The following GRIK1 variants were observed in gnomAD, a reference collection of about 807,000 sequenced individuals.
GRIK1 encodes glutamate receptor ionotropic, kainate 1.
Under a neutral mutation model 105.7 loss-of-function variants are expected in GRIK1, and 69 were observed. The ratio of observed to expected loss-of-function variants is 0.65; its 90% CI spans 0.54 to 0.80. The LOEUF is 0.80. Among genes scored for constraint, GRIK1 ranks in the 30% least tolerant of loss-of-function variants. GRIK1 has a pLI of 0.00. For synonymous variants in GRIK1, 438 were observed against 431.3 expected, an observed-to-expected ratio of 1.02 and a Z score of -0.19; for missense variants, 1,109 against 1,167.3, an observed-to-expected ratio of 0.95 and a Z score of 0.73.
intron 1 of GRIK1, among the ~76,000 whole-genome samples, chr21:29,825,203 T>A (rs1569134321): frequency 6.6e-6 from 1 of 152,008 alleles, no homozygotes; most frequent in Non-Finnish European, 1.5e-5. Flanking sequence ...TACAATTTCT[T>A]TTTTTAGAAA....
At chr21:29,579,603 A>G (rs1225360739) in intron 13 of GRIK1, among the ~76,000 whole-genome samples, 1 of 152,142 alleles carries the variant, frequency 6.6e-6, no homozygotes, top group East Asian at 1.9e-4. Context: ...AACAAGAGAG[A>G]GCAACAGAGG....
intron 7 of GRIK1, among the ~76,000 whole-genome samples, chr21:29,639,635 T>C (rs1232676245): frequency 6.6e-6 from 1 of 152,174 alleles, no homozygotes; most frequent in African/African-American, 2.4e-5. Context: ...CTGAAGAGTG[T>C]ATGTTTTATC....
At chr21:29,693,628 G>C (rs1254494052) in intron 2 of GRIK1, among the ~76,000 whole-genome samples, 2 of 152,124 alleles carry the variant, frequency 1.3e-5, no homozygotes, top group African/African-American at 4.8e-5. Flanking sequence ...GATCAAGCTT[G>C]ACATTTTCCA....
At chr21:29,603,039 C>T in intron 7 of GRIK1, among the ~76,000 whole-genome samples, 1 of 152,104 alleles carries the variant, frequency 6.6e-6, no homozygotes, top group East Asian at 1.9e-4. Context: ...ATTTCCCTGT[C>T]CCACCAACTG....
At chr21:29,636,473 G>A (rs111976385) in intron 7 of GRIK1, among the ~76,000 whole-genome samples, 7,233 of 152,196 alleles carry the variant, frequency 0.048, 252 homozygotes, top group Non-Finnish European at 0.072. Context: ...TCTGACAGTG[G>A]AGCTATTTTA....
At chr21:29,938,471 G>T (rs1410590207) in intron 1 of GRIK1, among the ~76,000 whole-genome samples, 1 of 152,236 alleles carries the variant, frequency 6.6e-6, no homozygotes, top group Non-Finnish European at 1.5e-5. Context: ...AACCCTCAAA[G>T]TTCAGAAATT....
intron 1 of GRIK1, among the ~76,000 whole-genome samples, chr21:29,734,270 C>T (rs901807360): frequency 2.6e-5 from 4 of 152,336 alleles, no homozygotes; most frequent in African/African-American, 9.6e-5. Context: ...CCTTCTGGCT[C>T]GCACTTTGGC....
chr21:29,697,827 C>T (rs1568987709), intron 1 of GRIK1, among the ~76,000 whole-genome samples: 1 of 152,066 alleles, frequency 6.6e-6, no homozygotes, highest in South Asian at 2.1e-4. Flanking sequence ...ATAATTTCCT[C>T]CTTCGGTCTT....
Position 29,725,878 on chromosome 21 carries a change from G to A in GRIK1, c.119-31815C>T, listed in dbSNP as rs1443668714. On this transcript the variant is annotated intron_variant, in intron 1 of 17. Coordinates refer to ENST00000327783, the MANE Select transcript of GRIK1 (RefSeq NM_001330994.2). The stretch of plus-strand genomic sequence containing the variant: ...TGATTGTCTCGTCTGCCTCCCACAC[G>A]CAAAACAAGGGTGGATTTCTGATTT... Among the ~76,000 whole-genome samples the A allele has an allele frequency of 5.3e-5, 8 of 152,232 alleles. No homozygotes were observed. The East Asian group carries it at 1.3e-3, about 26-fold the overall frequency.
chr21:29,620,806 G>GATATATATATCTATATATATATAT (rs1568897623), intron 7 of GRIK1, among the ~76,000 whole-genome samples: 21 of 105,240 alleles, frequency 2.0e-4, no homozygotes, highest in Non-Finnish European at 3.7e-4. Context: ...TATATATATA[G>GATATATATATCTATATATATATAT]ATATATATAT....
intron 7 of GRIK1, chr21:29,630,547 C>T (rs1425373895): frequency 2.1e-6 from 1 of 471,746 alleles, no homozygotes; most frequent in East Asian, 6.9e-5. Context: ...AGGGAACAAG[C>T]TGCCAATAAT....
At chr21:29,847,815 C>G (rs372099526) in intron 1 of GRIK1, among the ~76,000 whole-genome samples, 4 of 152,198 alleles carry the variant, frequency 2.6e-5, no homozygotes, top group African/African-American at 7.2e-5. Flanking sequence ...CAAGAACACA[C>G]CTAATCATTC....
chr21:29,554,970 A>G (rs1051139822), intron 16 of GRIK1, 82 bp downstream of exon 16: 16 of 1,197,936 alleles, frequency 1.3e-5, no homozygotes, highest in Non-Finnish European at 1.8e-5. Flanking sequence ...ACTGAAAAAG[A>G]GCAAACATCC....
At chr21:29,603,041 C>A (rs962203527) in intron 7 of GRIK1, among the ~76,000 whole-genome samples, 1 of 152,192 alleles carries the variant, frequency 6.6e-6, no homozygotes. Flanking sequence ...TTCCCTGTCC[C>A]ACCAACTGGC....
chr21:29,657,579 C>T (rs2062878890), intron 4 of GRIK1: 1 of 152,196 alleles, frequency 6.6e-6, no homozygotes, highest in South Asian at 2.1e-4. Flanking sequence ...GCATTAGTGC[C>T]TCCTGGTTCT....
intron 1 of GRIK1, among the ~76,000 whole-genome samples, chr21:29,858,007 C>G (rs1352766820): frequency 6.6e-6 from 1 of 152,204 alleles, no homozygotes; most frequent in Non-Finnish European, 1.5e-5. Flanking sequence ...TCAAGCAATT[C>G]TCTTGCCTCA....
chr21:29,538,088 A>G (rs995358384), intron 16 of GRIK1, among the ~76,000 whole-genome samples: 6 of 152,152 alleles, frequency 3.9e-5, no homozygotes, highest in Non-Finnish European at 8.8e-5. Flanking sequence ...TACAGACAAT[A>G]TATATAATCT....
At chr21:29,843,492 C>T (rs1278765256) in intron 1 of GRIK1, among the ~76,000 whole-genome samples, 2 of 152,260 alleles carry the variant, frequency 1.3e-5, no homozygotes, top group Non-Finnish European at 2.9e-5. Flanking sequence ...GGTTACATAA[C>T]TCCAACTGTG....
chr21:29,862,416 A>C (rs1304245969), intron 1 of GRIK1, among the ~76,000 whole-genome samples: 1 of 152,212 alleles, frequency 6.6e-6, no homozygotes. Context: ...TAAAGAAATT[A>C]AATTTAAAAA....
Sources: allele counts gnomAD v4.1 joint callset (sites outside exome capture counted in the v4.1 genomes callset), GRCh38; gene constraint gnomAD v4.1.1; transcripts MANE v1.5; gene names NCBI Gene and HGNC (gene_info 2026-07-23, HGNC 2026-07-21).